FBXL2: variants seen among roughly 807,000 people sequenced by gnomAD.
The protein encoded by FBXL2 is F-box and leucine rich repeat protein 2.
In FBXL2, 38 loss-of-function variants were observed where a neutral mutation model predicts 69.2. The ratio of observed to expected loss-of-function variants is 0.55; its 90% CI spans 0.42 to 0.72. The LOEUF (loss-of-function observed/expected upper bound fraction) is 0.72. Ranked by LOEUF, FBXL2 falls within the 30% of genes least tolerant of loss-of-function variation. The probability of loss-of-function intolerance (pLI) is 0.00; values close to 1 mark genes in which losing one functional copy is unlikely to be tolerated. For synonymous variants in FBXL2, 192 were observed against 201.3 expected, an observed-to-expected ratio of 0.95 and a Z score of 0.39; for missense variants, 354 against 520.3, an observed-to-expected ratio of 0.68 and a Z score of 3.11.
At chr3:33,317,427 T>C (rs1246880523) in intron 2 of FBXL2, 1 of 456,284 alleles carries the variant, frequency 2.2e-6, no homozygotes, top group Non-Finnish European at 4.4e-6. Flanking sequence ...ATGTGGTACT[T>C]AATGGTTTTG....
chr3:33,310,103 T>C (rs1273101378), intron 2 of FBXL2, among the ~76,000 whole-genome samples: 5 of 152,200 alleles, frequency 3.3e-5, no homozygotes, highest in Admixed American at 3.3e-4. Context: ...ACATTGTGTA[T>C]CACTTAAAAA....
At chr3:33,358,557 A>C (rs1276620029) in intron 2 of FBXL2, among the ~76,000 whole-genome samples, 1 of 152,188 alleles carries the variant, frequency 6.6e-6, no homozygotes, top group Non-Finnish European at 1.5e-5. Context: ...CAAATACTTC[A>C]AACCAAATGG....
chr3:33,390,279 A>T, downstream of FBXL2: 1 of 1,552,920 alleles, frequency 6.4e-7, no homozygotes, highest in Admixed American at 1.8e-5. Context: ...GTCTTCACAC[A>T]CTTTTAAGCG....
intron 2 of FBXL2, among the ~76,000 whole-genome samples, chr3:33,333,323 A>G (rs1559556417): frequency 1.3e-5 from 2 of 152,212 alleles, no homozygotes; most frequent in South Asian, 2.1e-4. Flanking sequence ...AAAATAGTCA[A>G]CAATCTTAGT....
chr3:33,280,623 C>T (rs574241161), intron 1 of FBXL2, among the ~76,000 whole-genome samples: 1 of 149,504 alleles, frequency 6.7e-6, no homozygotes, highest in East Asian at 2.0e-4. Flanking sequence ...GCGGAAGGAT[C>T]GATCCCTTGA....
At chr3:33,345,951 G>C (rs188396106) in intron 2 of FBXL2, among the ~76,000 whole-genome samples, 1 of 152,282 alleles carries the variant, frequency 6.6e-6, no homozygotes, top group East Asian at 1.9e-4. Flanking sequence ...ATCTGGCCAG[G>C]TGTGGTGGCT....
At chr3:33,318,736 T>A (rs201204947) in intron 2 of FBXL2, among the ~76,000 whole-genome samples, 58,724 of 150,516 alleles carry the variant, frequency 0.39, 12,379 homozygotes, top group East Asian at 0.59. Context: ...ACATAACTGA[T>A]GTTTTTTAAA....
intron 4 of FBXL2, among the ~76,000 whole-genome samples, chr3:33,360,173 C>A (rs2041508232): frequency 6.6e-6 from 1 of 152,140 alleles, no homozygotes; most frequent in Non-Finnish European, 1.5e-5. Flanking sequence ...TAGTTACTCA[C>A]ATAGTATGTT....
In FBXL2 at chr3:33,387,870, C is replaced by T. The variant is rs1559658062; in HGVS notation, c.*2262C>T. 6.6e-6 allele frequency: 1 copy of T among 151,974 alleles called. No homozygotes were observed. Among genetic ancestry groups the T allele is most frequent in the Non-Finnish European group, 1.5e-5 (1 of 68,054 alleles). The allele number at this position is 151,974 out of a possible 1,614,324, so 9.4% of individuals were successfully genotyped here. ...GATCGTGAGATCAGGAGATCAAGAC[C>T]ATCCTGGCTAACACAGTGAAACCCC... On this transcript the variant is annotated 3_prime_UTR_variant, in exon 15 of 15. Transcript: ENST00000484457.
intron 12 of FBXL2, chr3:33,397,397 A>C (rs1005130942): frequency 2.4e-5 from 7 of 287,104 alleles, no homozygotes; most frequent in Admixed American, 1.5e-4. Flanking sequence ...CAGGGCCTAA[A>C]GAACTCTTCC....
intron 10 of FBXL2, 40 bp from the exon 11 acceptor site, chr3:33,377,233 G>A (rs944427494): frequency 5.7e-6 from 9 of 1,576,356 alleles, no homozygotes; most frequent in Middle Eastern, 1.7e-4. Flanking sequence ...TTATTAACTA[G>A]TTGGTACCGT....
chr3:33,284,703 A>G (rs889246867), intron 1 of FBXL2, among the ~76,000 whole-genome samples: 6 of 152,066 alleles, frequency 3.9e-5, no homozygotes, highest in African/African-American at 1.4e-4. Flanking sequence ...AGGTCTCTAA[A>G]GACTTGCTTT....
chr3:33,313,787 A>G (rs1051969422), intron 2 of FBXL2, among the ~76,000 whole-genome samples: 1 of 152,068 alleles, frequency 6.6e-6, no homozygotes, highest in South Asian at 2.1e-4. Context: ...TCCATATTCA[A>G]TTTCCATGTT....
intron 2 of FBXL2, among the ~76,000 whole-genome samples, chr3:33,335,277 T>A (rs2039491594): frequency 6.6e-6 from 1 of 151,474 alleles, no homozygotes; most frequent in South Asian, 2.1e-4. Context: ...CTAAAGGAAA[T>A]TCTTTAGGTG....
intron 2 of FBXL2, among the ~76,000 whole-genome samples, chr3:33,298,644 C>G (rs1053828720): frequency 2.1e-5 from 3 of 145,082 alleles, no homozygotes; most frequent in African/African-American, 7.8e-5. Flanking sequence ...TGCAGTGAGC[C>G]TAGCCTGTGC....
At chr3:33,409,676 T>C in the FBXL2 span, 2 of 1,566,166 alleles carry the variant, frequency 1.3e-6, no homozygotes, top group Non-Finnish European at 1.8e-6. Context: ...CCCTCTTGAG[T>C]GACCTGACAC....
chr3:33,296,305 A>G (rs1483862642), intron 1 of FBXL2, among the ~76,000 whole-genome samples: 2 of 152,124 alleles, frequency 1.3e-5, no homozygotes, highest in Admixed American at 1.3e-4. Flanking sequence ...ACCTCAAGCT[A>G]TCCACCTGCC....
intron 12 of FBXL2, among the ~76,000 whole-genome samples, chr3:33,395,126 C>G (rs2043924401): frequency 6.6e-6 from 1 of 152,062 alleles, no homozygotes; most frequent in African/African-American, 2.4e-5. Flanking sequence ...ATGGAGATCT[C>G]CTTTAAATTT....
At chr3:33,288,631 C>G (rs921725928) in intron 1 of FBXL2, among the ~76,000 whole-genome samples, 2 of 152,114 alleles carry the variant, frequency 1.3e-5, no homozygotes, top group African/African-American at 4.8e-5. Flanking sequence ...GGTGCCGAGG[C>G]AAGAACATGC....
Sources: allele counts gnomAD v4.1 joint callset (sites outside exome capture counted in the v4.1 genomes callset), GRCh38; gene constraint gnomAD v4.1.1; transcripts MANE v1.5; gene names NCBI Gene and HGNC (gene_info 2026-07-23, HGNC 2026-07-21).